Variants in ZSCAN20 observed in about 807,000 individuals in gnomAD.
The protein encoded by ZSCAN20 is zinc finger and SCAN domain-containing protein 20.
A neutral mutation model predicts 97.1 loss-of-function variants in ZSCAN20; 39 were observed. The observed-to-expected ratio is 0.40, with a 90% confidence interval of 0.31 to 0.52. The LOEUF (loss-of-function observed/expected upper bound fraction) is 0.52, where lower values mean the gene tolerates loss of function less well. ZSCAN20 is among the 20% of genes least tolerant of loss of function. The pLI is 0.49. For missense variants in ZSCAN20, 1,115 were observed against 1,290.4 expected (o/e 0.86, Z 2.08); for synonymous variants, 456 against 467.3 (o/e 0.98, Z 0.31).
Position 33,494,524 on chromosome 1 carries a change from C to G in ZSCAN20, c.2180C>G (p.Ala727Gly). ...KSFSRSSHFI[A>G]HQRIHTGEKP... ...TTCAGTCGGAGCTCCCACTTCATTG[C>G]CCATCAGCGAATCCACACAGGTGAG... The change falls in exon 8 of 8, where the codon GCC becomes GGC. Residue 727 changes from alanine to glycine, a missense_variant. Physicochemically the swap from Ala to Gly is moderately conservative, Grantham distance 60 (BLOSUM62 0). Around this residue, in one of 3 missense-constraint regions of ZSCAN20, gnomAD observed 554 missense variants for 584.9 expected, o/e 0.95. Transcript: ENST00000684572. 6.2e-7 allele frequency: 1 copy of G among 1,614,184 alleles called. No individual in the cohort carries two copies. Among genetic ancestry groups the G allele is most frequent in the Non-Finnish European group, 8.5e-7 (1 of 1,180,028 alleles).
At chr1:33,489,378 G>A in intron 4 of ZSCAN20, 140 bp from the exon 5 acceptor site, 1 of 1,003,894 alleles carries the variant, frequency 1.0e-6, no homozygotes, top group East Asian at 2.6e-5. Context: ...TGTACCAAAT[G>A]GCCATCCTGC....
chr1:33,473,425 A>G (rs1398354739), intron 1 of ZSCAN20, among the ~76,000 whole-genome samples: 3 of 152,038 alleles, frequency 2.0e-5, no homozygotes, highest in Non-Finnish European at 4.4e-5. Context: ...TTTCACCTAC[A>G]AATCTGATTA....
chr1:33,481,217 C>T (rs538939158), intron 2 of ZSCAN20, among the ~76,000 whole-genome samples: 2 of 152,106 alleles, frequency 1.3e-5, no homozygotes, highest in South Asian at 4.1e-4. Context: ...TTAAAGAAAC[C>T]AGCTGTTTGT....
In ZSCAN20 at chr1:33,494,777, A is replaced by G. The variant is rs1431826389; in HGVS notation, c.2433A>G (p.Lys811=). The G allele has an allele frequency of 1.2e-6, 2 of 1,614,112 alleles. No individual in the cohort carries two copies. The highest frequency in any genetic ancestry group is 1.7e-6 in the Non-Finnish European group (2 of 1,180,012). The part of the protein sequence containing the change: ...KSFNQSSNLL[K]HQRIHLGGNP... Reference sequence around the variant, plus strand: ...TCAACCAGAGCTCAAACCTTCTGAAACATCAGAGAATCCACTTGGGAGGAA... The same window carrying G: ...TCAACCAGAGCTCAAACCTTCTGAAGCATCAGAGAATCCACTTGGGAGGAA... The change falls in exon 8 of 8, where the codon AAA becomes AAG. Residue 811 remains lysine, a synonymous_variant. Coordinates refer to ENST00000684572, the MANE Select transcript of ZSCAN20 (RefSeq NM_001377376.1).
rs74535782 is a variant in ZSCAN20, at chr1:33,485,942, C to T, written c.418-2523C>T. Among the ~76,000 whole-genome samples, 116 of 152,232 alleles carry T rather than the reference C, an allele frequency of 7.6e-4. 1 individual carries two copies. The highest frequency in any genetic ancestry group is 2.6e-3 in the African/African-American group (106 of 41,516). ...CCCTGGACTCTGACCTTTGCCAGTG[C>T]TTCTCAATTTTTTCCCATCTTAGGT... On this transcript the variant is annotated intron_variant, in intron 2 of 7. Coordinates refer to ENST00000684572, the MANE Select transcript of ZSCAN20 (RefSeq NM_001377376.1).
intron 2 of ZSCAN20, among the ~76,000 whole-genome samples, chr1:33,483,284 T>G (rs980481239): frequency 3.3e-5 from 5 of 151,926 alleles, no homozygotes; most frequent in Non-Finnish European, 7.4e-5. Context: ...ATGTCCAGTT[T>G]TAGTATCATT....
At chr1:33,494,144 T>C (rs1236390597) in intron 7 of ZSCAN20, 74 bp from the exon 8 acceptor site, 1 of 1,368,266 alleles carries the variant, frequency 7.3e-7, no homozygotes, top group Non-Finnish European at 9.9e-7. Flanking sequence ...AGATGTACAA[T>C]ACAGACACAC....
intron 2 of ZSCAN20, among the ~76,000 whole-genome samples, chr1:33,481,619 C>CT (rs1652159600): frequency 6.6e-6 from 1 of 152,052 alleles, no homozygotes; most frequent in African/African-American, 2.4e-5. Flanking sequence ...AGATATATAA[C>CT]TTAGTTGCAT....
At position 33,495,223 on chromosome 1, in the gene ZSCAN20, A is replaced by G; in HGVS notation, c.2879A>G (p.Lys960Arg). Residue 960 changes from lysine (K) to arginine (R), a missense_variant, in exon 8 of 8, where the codon AAA becomes AGA. Lys to Arg is a conservative substitution (Grantham distance 26). Transcript: ENST00000684572. ...QRVHTGEKPY[K>R]CLECGKFFRD... ...GTGCACACAGGAGAGAAGCCCTACA[A>G]ATGCCTTGAGTGTGGAAAATTCTTC... is the stretch of plus-strand genomic sequence containing the variant. The G allele has an allele frequency of 1.2e-6, 2 of 1,613,844 alleles. No homozygotes were observed. The highest frequency in any genetic ancestry group is 1.7e-6 in the Non-Finnish European group (2 of 1,179,840).
At chr1:33,494,174 C>CGCT in intron 7 of ZSCAN20, 44 bp from the exon 8 acceptor site, 1 of 1,514,210 alleles carries the variant, frequency 6.6e-7, no homozygotes, top group Non-Finnish European at 8.9e-7. Flanking sequence ...CACACACGCG[C>CGCT]GCTAATGAGT....
At chr1:33,494,104 A>G in intron 7 of ZSCAN20, 114 bp from the exon 8 acceptor site, 1 of 940,696 alleles carries the variant, frequency 1.1e-6, no homozygotes, top group Non-Finnish European at 1.6e-6. Context: ...TAGAAGATAT[A>G]AGAATCAAAT....
chr1:33,476,966 A>G (rs1269413968), intron 1 of ZSCAN20, among the ~76,000 whole-genome samples: 1 of 152,252 alleles, frequency 6.6e-6, no homozygotes, highest in East Asian at 1.9e-4. Context: ...TACTGGGTTG[A>G]GCACTGTGGA....
intron 1 of ZSCAN20, among the ~76,000 whole-genome samples, chr1:33,474,296 G>A (rs926131387): frequency 6.6e-6 from 1 of 152,224 alleles, no homozygotes; most frequent in Non-Finnish European, 1.5e-5. Flanking sequence ...AGGTCAGACT[G>A]CTTTAAGCCA....
rs1652713581 is a variant in ZSCAN20, at chr1:33,493,561, G to A, written c.1819G>A (p.Ala607Thr). 1 of 1,609,218 alleles carries A rather than the reference G, an allele frequency of 6.2e-7. No homozygotes were observed. The highest frequency in any genetic ancestry group is 8.5e-7 in the Non-Finnish European group (1 of 1,176,862). ...TDAQEAWGEVANEDAVKPSTL... is the reference protein window; with the variant it reads ...TDAQEAWGEVTNEDAVKPSTL... ...TGCCCAGGAGGCCTGGGGTGAAGTG[G>A]CCAATGAAGATGCTGTCAAACCTTC... The change falls in exon 7 of 8, where the codon GCC (alanine) becomes ACC (threonine). Residue 607 changes from alanine to threonine, a missense_variant. Ala to Thr is a moderately conservative substitution (Grantham distance 58). Around this residue, in one of 3 missense-constraint regions of ZSCAN20, gnomAD observed 554 missense variants for 584.9 expected, o/e 0.95. Transcript: ENST00000684572. The surrounding 1 kb of genome is among the most constrained non-coding windows in gnomAD (Gnocchi z 4.3).
intron 3 of ZSCAN20, 110 bp from the exon 4 acceptor site, chr1:33,489,004 TA>T: frequency 3.4e-6 from 3 of 872,428 alleles, no homozygotes; most frequent in Non-Finnish European, 5.4e-6. Flanking sequence ...GCACTGGCCA[TA>T]GGGATAGCCC....
intron 4 of ZSCAN20, 90 bp from the exon 5 acceptor site, chr1:33,489,427 TC>T (rs1652506505): frequency 7.7e-7 from 1 of 1,305,114 alleles, no homozygotes. Context: ...ATCCCTCTGT[TC>T]CCATCATCTT....
rs1453578229 is a variant in ZSCAN20 at position 33,495,921 on chromosome 1, G to A, written c.*445G>A. 6.5e-6 allele frequency: 1 copy of A among 154,764 alleles called. No individual in the cohort carries two copies. The highest frequency in any genetic ancestry group is 1.4e-5 in the Non-Finnish European group (1 of 69,726). The allele number at this position is 154,764 out of a possible 1,614,324, so 9.6% of individuals were successfully genotyped here. On this transcript the variant is annotated 3_prime_UTR_variant, in exon 8 of 8. Transcript: ENST00000684572. ...AGGGAGAATGTTGTGACTCTGGTGAGAGAGGAGTTGGCCTAGAGCAGGCCA... is the reference window on the plus strand; with the variant it reads ...AGGGAGAATGTTGTGACTCTGGTGAAAGAGGAGTTGGCCTAGAGCAGGCCA...
chr1:33,491,336 A>G lies in ZSCAN20; in HGVS notation c.1078A>G (p.Ile360Val), dbSNP rs771057266. Residue 360 changes from isoleucine to valine, a missense_variant, in exon 6 of 8, where the codon ATT (isoleucine) becomes GTT (valine). By Grantham distance (29) the Ile-to-Val change is conservative. Around this residue, in one of 3 missense-constraint regions of ZSCAN20, gnomAD observed 508 missense variants for 611.2 expected, o/e 0.83. Coordinates refer to ENST00000684572, the MANE Select transcript of ZSCAN20 (RefSeq NM_001377376.1). This position sits in a 1 kb window ranked among gnomAD's most constrained non-coding sequence, Gnocchi z 4.3. ...CCAGAACCGCCAGGTATATCGGGCC[A>G]TTGCAGAGCAGCTAAGGGCAAGGGG... is the stretch of plus-strand genomic sequence containing the variant. The part of the protein sequence containing the change: ...CHQNRQVYRA[I>V]AEQLRARGFL... 3 of 1,614,154 alleles carry G rather than the reference A, an allele frequency of 1.9e-6. No individual in the cohort carries two copies. The highest frequency in any genetic ancestry group is 3.3e-5 in the Admixed American group (2 of 60,022).
Position 33,491,678 on chromosome 1 carries a change from C to T in ZSCAN20, c.1420C>T (p.Pro474Ser), listed in dbSNP as rs764033189. 14 of 1,603,496 alleles carry T rather than the reference C, an allele frequency of 8.7e-6. No homozygotes were observed. Among genetic ancestry groups the T allele is most frequent in the Non-Finnish European group, 1.2e-5 (14 of 1,176,084 alleles). The change falls in exon 6 of 8, where the codon CCA (proline) becomes TCA (serine). Residue 474 changes from proline to serine, a missense_variant. By Grantham distance (74) the Pro-to-Ser change is moderately conservative (BLOSUM62 -1). Transcript: ENST00000684572. The surrounding 1 kb of genome is among the most constrained non-coding windows in gnomAD (Gnocchi z 4.3). ...CCAGGGGCCCAGGATTGCAGGGGCC[C>T]CAGCTCTGTTCCAGAGTCGTATTGG... ...STQGPRIAGA[P>S]ALFQSRIAGV... is the part of the protein sequence containing the mutation.
Sources: gnomAD v4.1 joint callset for allele counts (sites outside exome capture counted in the v4.1 genomes callset) on GRCh38, gnomAD v4.1.1 for gene constraint, gnomAD v4.1.1 regional missense constraint, Gnocchi (gnomAD v3.1) non-coding constraint, MANE v1.5 for transcripts, NCBI Gene and HGNC (gene_info 2026-07-23, HGNC 2026-07-21) for gene names.